PABPC4L: variants seen among roughly 807,000 people sequenced by gnomAD.
PABPC4L encodes polyadenylate-binding protein 4-like.
For missense variants in PABPC4L, 452 were observed against 451.4 expected (o/e 1.00, Z -0.01); for synonymous variants, 169 against 164.1 (o/e 1.03, Z -0.23).
chr4:134,011,637 T>C, the PABPC4L span, among the ~76,000 whole-genome samples: 1 of 152,130 alleles, frequency 6.6e-6, no homozygotes, highest in Non-Finnish European at 1.5e-5. Context: ...CTCTCTTTTT[T>C]TGCCCTACAA....
chr4:134,068,712 CA>C, the PABPC4L span, among the ~76,000 whole-genome samples: 1 of 151,222 alleles, frequency 6.6e-6, no homozygotes, highest in Non-Finnish European at 1.5e-5. Flanking sequence ...TTTTAAGATA[CA>C]TCTTTTTTTT....
At chr4:134,115,922 T>A in the PABPC4L span, among the ~76,000 whole-genome samples, 1 of 151,920 alleles carries the variant, frequency 6.6e-6, no homozygotes, top group African/African-American at 2.4e-5. Flanking sequence ...ATTAAGTAAA[T>A]ATTATTTGTA....
rs1729752178 is a variant in PABPC4L, at chr4:134,198,908, C to T, written c.*999G>A. ...TGAACCTTAATGGGTTCCATAGCTG[C>T]CACATTCTAATAAAAGGAGATGTGA... On this transcript the variant is annotated 3_prime_UTR_variant, in exon 2 of 2. Transcript: ENST00000421491. The T allele has an allele frequency of 6.6e-6, 1 of 151,810 alleles. No homozygotes were observed. The allele number at this position is 151,810 out of a possible 1,614,324, so 9.4% of individuals were successfully genotyped here. A position where few individuals can be genotyped will look rare whatever the true frequency, so the allele number is the denominator to read the frequency against.
At chr4:134,158,705 G>A in the PABPC4L span, among the ~76,000 whole-genome samples, 3 of 152,070 alleles carry the variant, frequency 2.0e-5, no homozygotes, top group African/African-American at 7.2e-5. Flanking sequence ...CTAGGTGCTA[G>A]ATGTCATCTA....
chr4:134,164,635 G>A, the PABPC4L span, among the ~76,000 whole-genome samples: 4 of 151,868 alleles, frequency 2.6e-5, no homozygotes, highest in Non-Finnish European at 5.9e-5. Flanking sequence ...CTATACAAAC[G>A]AATATAAATA....
At chr4:134,162,507 C>A in the PABPC4L span, among the ~76,000 whole-genome samples, 1 of 151,846 alleles carries the variant, frequency 6.6e-6, no homozygotes, top group Non-Finnish European at 1.5e-5. Flanking sequence ...TACTCTAGAA[C>A]AAACAGAACT....
chr4:134,091,552 A>AT, the PABPC4L span, among the ~76,000 whole-genome samples: 1 of 151,948 alleles, frequency 6.6e-6, no homozygotes, highest in African/African-American at 2.4e-5. Flanking sequence ...GGTAGTAGGC[A>AT]TTTTGCCCTA....
the PABPC4L span, among the ~76,000 whole-genome samples, chr4:134,104,217 G>T: frequency 2.0e-5 from 3 of 151,774 alleles, no homozygotes; most frequent in East Asian, 5.8e-4. Context: ...TTCTCAAGCT[G>T]GCCTTCTCAA....
At chr4:134,163,992 G>T in the PABPC4L span, among the ~76,000 whole-genome samples, 14 of 151,944 alleles carry the variant, frequency 9.2e-5, no homozygotes, top group Non-Finnish European at 1.3e-4. Context: ...GGCCAGGCGC[G>T]GTGGCTCACG....
At chr4:134,172,684 C>T in the PABPC4L span, among the ~76,000 whole-genome samples, 3 of 152,038 alleles carry the variant, frequency 2.0e-5, no homozygotes, top group East Asian at 1.9e-4. Flanking sequence ...AGCTAAAAAG[C>T]TTCTGCACAG....
At chr4:134,106,231 C>T in the PABPC4L span, among the ~76,000 whole-genome samples, 1 of 151,516 alleles carries the variant, frequency 6.6e-6, no homozygotes, top group East Asian at 1.9e-4. Context: ...CTATCATGCT[C>T]CTGGTGCTTT....
At chr4:134,186,948 A>G in the PABPC4L span, among the ~76,000 whole-genome samples, 1 of 152,222 alleles carries the variant, frequency 6.6e-6, no homozygotes, top group Non-Finnish European at 1.5e-5. Context: ...AAAAATGTTT[A>G]TCATCACTGG....
the PABPC4L span, among the ~76,000 whole-genome samples, chr4:134,006,333 G>A: frequency 2.0e-5 from 3 of 151,754 alleles, no homozygotes; most frequent in Non-Finnish European, 2.9e-5. Context: ...ACTAAAAAGG[G>A]AACAAAAATA....
chr4:134,163,206 C>A, the PABPC4L span, among the ~76,000 whole-genome samples: 4 of 152,044 alleles, frequency 2.6e-5, no homozygotes, highest in African/African-American at 9.7e-5. Context: ...TACAAAAGAT[C>A]ATTTGAGACT....
chr4:134,201,020 C>A lies in PABPC4L; in HGVS notation c.-1G>T, dbSNP rs1164049505. 2.5e-5 allele frequency: 39 copies of A among 1,551,704 alleles called. No homozygotes were observed. The highest frequency in any genetic ancestry group is 3.1e-5 in the Non-Finnish European group (35 of 1,147,040). ...TGCGGTACTTGGCTGCTACATTCAT[C>A]TCCTTGTCCTTGCCACTGTGAGTTT... On this transcript the variant is annotated 5_prime_UTR_variant, in exon 2 of 2. Coordinates refer to ENST00000421491, the MANE Select transcript of PABPC4L (RefSeq NM_001114734.2).
At chr4:133,986,677 A>G in the PABPC4L span, among the ~76,000 whole-genome samples, 1 of 152,204 alleles carries the variant, frequency 6.6e-6, no homozygotes, top group South Asian at 2.1e-4. Flanking sequence ...ACATCTCGGG[A>G]CTGCCTATTA....
chr4:134,123,642 A>T, the PABPC4L span, among the ~76,000 whole-genome samples: 1 of 152,098 alleles, frequency 6.6e-6, no homozygotes, highest in Non-Finnish European at 1.5e-5. Context: ...TTAAATACAA[A>T]AAGCCACAAG....
At chr4:134,106,452 A>C in the PABPC4L span, among the ~76,000 whole-genome samples, 1 of 151,598 alleles carries the variant, frequency 6.6e-6, no homozygotes, top group Non-Finnish European at 1.5e-5. Flanking sequence ...AGAAAGAGAA[A>C]GAAAGAAAAA....
the PABPC4L span, among the ~76,000 whole-genome samples, chr4:134,151,920 A>C: frequency 6.6e-6 from 1 of 151,750 alleles, no homozygotes; most frequent in Admixed American, 6.6e-5. Flanking sequence ...TTATCAGTTA[A>C]AATTTTTTGC....
Sources: allele counts gnomAD v4.1 joint callset (sites outside exome capture counted in the v4.1 genomes callset), GRCh38; gene constraint gnomAD v4.1.1; transcripts MANE v1.5; gene names NCBI Gene and HGNC (gene_info 2026-07-23, HGNC 2026-07-21).